CACNA1D: variants seen among roughly 807,000 people sequenced by gnomAD.
CACNA1D encodes the protein calcium voltage-gated channel subunit alpha1 D.
Under a neutral mutation model 257.1 loss-of-function variants are expected in CACNA1D, and 55 were observed. The ratio of observed to expected loss-of-function variants is 0.21; its 90% CI spans 0.17 to 0.27. The LOEUF is 0.27. Ranked by LOEUF, CACNA1D falls within the 10% of genes least tolerant of loss-of-function variation. The pLI, the probability that CACNA1D is intolerant of heterozygous loss-of-function variation, is 1.00. For synonymous variants in CACNA1D, 980 were observed against 1,014.9 expected (o/e 0.97, Z 0.65); for missense variants, 1,876 against 2,784.0 (o/e 0.67, Z 7.34).
chr3:53,676,229 C>T (rs912359133), intron 8 of CACNA1D, among the ~76,000 whole-genome samples: 7 of 152,216 alleles, frequency 4.6e-5, no homozygotes, highest in Non-Finnish European at 1.0e-4. Context: ...TCTCCCCCGG[C>T]GACTGACGAT....
At chr3:53,744,942 G>A (rs1364299376) in intron 23 of CACNA1D, 115 bp downstream of exon 23, 1 of 705,856 alleles carries the variant, frequency 1.4e-6, no homozygotes, top group Non-Finnish European at 2.6e-6. Context: ...TGAGTTATAA[G>A]GACCTTTCTA....
chr3:53,791,345 G>C (rs951405029), intron 40 of CACNA1D: 1 of 257,908 alleles, frequency 3.9e-6, no homozygotes, highest in Non-Finnish European at 7.3e-6. Flanking sequence ...AGCAAAGGAG[G>C]GGGGCAGCTG....
intron 9 of CACNA1D, among the ~76,000 whole-genome samples, chr3:53,713,282 T>C (rs1056248287): frequency 6.6e-6 from 1 of 152,226 alleles, no homozygotes; most frequent in African/African-American, 2.4e-5. Context: ...ACAACTCATC[T>C]TACAGATCTG....
chr3:53,507,958 G>A (rs1366703242), intron 3 of CACNA1D, among the ~76,000 whole-genome samples: 5 of 142,544 alleles, frequency 3.5e-5, no homozygotes, highest in Admixed American at 2.2e-4. Flanking sequence ...GGTAGAAATG[G>A]CATCAGACAC....
chr3:53,678,570 T>C (rs1329682728), intron 8 of CACNA1D, among the ~76,000 whole-genome samples: 2 of 152,194 alleles, frequency 1.3e-5, no homozygotes, highest in African/African-American at 4.8e-5. Flanking sequence ...CTGAAGGCAA[T>C]TTTCAAACTA....
intron 3 of CACNA1D, among the ~76,000 whole-genome samples, chr3:53,539,975 A>C (rs1194547096): frequency 2.0e-5 from 3 of 151,248 alleles, no homozygotes; most frequent in Non-Finnish European, 4.4e-5. Context: ...AGGCATTTTT[A>C]TATGTATTGG....
At position 53,534,017 on chromosome 3, in the gene CACNA1D, G is replaced by C. The variant is rs559638240; in HGVS notation, c.483+32297G>C. 5.3e-5 allele frequency among the ~76,000 whole-genome samples: 8 copies of C among 152,288 alleles called. No homozygotes were observed. The South Asian group carries it at 1.7e-3, about 32-fold the overall frequency. The stretch of plus-strand genomic sequence containing the variant: ...GTAGTGGGTGTATGCAGCTGTAGTA[G>C]AGGAGCTGAAGCCACTGAGTTACCC... On this transcript the variant is annotated intron_variant, in intron 3 of 47. Coordinates refer to ENST00000350061, the MANE Select transcript of CACNA1D (RefSeq NM_001128840.3).
chr3:53,776,731 G>A lies in CACNA1D; in HGVS notation c.4490+1G>A. 6.2e-7 allele frequency: 1 copy of A among 1,614,228 alleles called. No individual in the cohort carries two copies. The highest frequency in any genetic ancestry group is 8.5e-7 in the Non-Finnish European group (1 of 1,180,050). On this transcript the variant is annotated splice_donor_variant, in intron 36 of 47. Coordinates refer to ENST00000350061, the MANE Select transcript of CACNA1D (RefSeq NM_001128840.3). LOFTEE classifies it high-confidence loss of function. ...GGTCAGAATATGACCCTGAGGCAAAGTAGGTTGAAAAATATTTGATTTGGC... is the reference window on the plus strand; with the variant it reads ...GGTCAGAATATGACCCTGAGGCAAAATAGGTTGAAAAATATTTGATTTGGC...
chr3:53,495,042 T>C lies in CACNA1D; in HGVS notation c.-125T>C. On this transcript the variant is annotated 5_prime_UTR_variant, in exon 1 of 48. Coordinates refer to ENST00000350061, the MANE Select transcript of CACNA1D (RefSeq NM_001128840.3). This position sits in a 1 kb window ranked among gnomAD's most constrained non-coding sequence, Gnocchi z 5.1. The stretch of plus-strand genomic sequence containing the variant: ...TCCCCGTCCCTCCCCACCCCCCTGC[T>C]GAAGCGAGAATAAGGGCAGGGACCG... The C allele has an allele frequency of 2.0e-6, 1 of 494,342 alleles. No individual in the cohort carries two copies. 30.6% of individuals were successfully genotyped at this position (494,342 alleles called of 1,614,324 possible). A position where few individuals can be genotyped will look rare whatever the true frequency, so the allele number is the denominator to read the frequency against.
intron 9 of CACNA1D, 57 bp from the exon 10 acceptor site, chr3:53,718,244 C>G: frequency 1.3e-6 from 2 of 1,487,848 alleles, no homozygotes; most frequent in Non-Finnish European, 1.9e-6. Flanking sequence ...ACCTGGCCTG[C>G]CTCCCAGGCG....
intron 3 of CACNA1D, among the ~76,000 whole-genome samples, chr3:53,560,857 C>T (rs2092725614): frequency 6.6e-6 from 1 of 152,100 alleles, no homozygotes; most frequent in African/African-American, 2.4e-5. Flanking sequence ...GCTCTATGGC[C>T]CTGATCAACA....
chr3:53,617,453 G>A (rs2093649680), intron 3 of CACNA1D, among the ~76,000 whole-genome samples: 1 of 152,166 alleles, frequency 6.6e-6, no homozygotes, highest in Admixed American at 6.5e-5. Flanking sequence ...AGCACTGAAA[G>A]TAGTATTTTC....
intron 4 of CACNA1D, among the ~76,000 whole-genome samples, chr3:53,651,203 G>T (rs1306528157): frequency 1.3e-5 from 2 of 152,024 alleles, no homozygotes; most frequent in African/African-American, 4.8e-5. Flanking sequence ...CACGGTCTTG[G>T]ATCTCCAGAA....
intron 15 of CACNA1D, among the ~76,000 whole-genome samples, chr3:53,728,914 T>A (rs2094961543): frequency 6.6e-6 from 1 of 152,326 alleles, no homozygotes; most frequent in Admixed American, 6.5e-5. Flanking sequence ...TCAATACAGA[T>A]GATGGATTTT....
At chr3:53,553,996 A>G (rs925228968) in intron 3 of CACNA1D, among the ~76,000 whole-genome samples, 2 of 151,872 alleles carry the variant, frequency 1.3e-5, no homozygotes, top group Non-Finnish European at 2.9e-5. Context: ...GGAGATGGAG[A>G]CCATCCTGGC....
At chr3:53,622,024 G>A (rs1305678455) in intron 3 of CACNA1D, among the ~76,000 whole-genome samples, 3 of 152,026 alleles carry the variant, frequency 2.0e-5, no homozygotes, top group Non-Finnish European at 2.9e-5. Flanking sequence ...CTGTACAATG[G>A]TCCAGACACT....
At chr3:53,694,675 G>A (rs780108047) in intron 8 of CACNA1D, among the ~76,000 whole-genome samples, 14 of 152,162 alleles carry the variant, frequency 9.2e-5, no homozygotes, top group African/African-American at 3.4e-4. Flanking sequence ...GACATTTGGA[G>A]GACTCTAGGA....
intron 4 of CACNA1D, 172 bp downstream of exon 4, chr3:53,651,090 C>T (rs1156986850): frequency 4.8e-6 from 3 of 625,148 alleles, no homozygotes; most frequent in Non-Finnish European, 8.5e-6. Context: ...TGCTGTCAGT[C>T]TCTGGGCAGA....
intron 14 of CACNA1D, 95 bp from the exon 15 acceptor site, chr3:53,726,784 G>T (rs953880612): frequency 6.5e-7 from 1 of 1,530,228 alleles, no homozygotes. Flanking sequence ...GTGAAAGGCA[G>T]CTTAAACCAG....
Sources: allele counts gnomAD v4.1 joint callset (sites outside exome capture counted in the v4.1 genomes callset), GRCh38; gene constraint gnomAD v4.1.1; non-coding constraint Gnocchi (gnomAD v3.1); transcripts MANE v1.5; gene names NCBI Gene and HGNC (gene_info 2026-07-23, HGNC 2026-07-21).